SRPK1: variants seen among roughly 807,000 people sequenced by gnomAD.
The protein encoded by SRPK1 is SRSF protein kinase 1.
SRPK1 carries 52 observed loss-of-function variants against 89.5 expected under a neutral mutation model. The ratio of observed to expected loss-of-function variants is 0.58; its 90% CI spans 0.46 to 0.73. The LOEUF (loss-of-function observed/expected upper bound fraction) is 0.73, where lower values mean the gene tolerates loss of function less well. Among genes scored for constraint, SRPK1 ranks in the 30% least tolerant of loss-of-function variants. The pLI is 0.00. For missense variants in SRPK1, 603 were observed against 780.6 expected, an observed-to-expected ratio of 0.77 and a Z score of 2.71; for synonymous variants, 255 against 270.2, an observed-to-expected ratio of 0.94 and a Z score of 0.55.
intron 13 of SRPK1, among the ~76,000 whole-genome samples, chr6:35,856,685 G>C (rs1282718249): frequency 6.6e-6 from 1 of 152,120 alleles, no homozygotes; most frequent in Non-Finnish European, 1.5e-5. Flanking sequence ...GGTGATTAAA[G>C]ATATTAAGGA....
chr6:35,877,326 A>G (rs1365709931), intron 6 of SRPK1, among the ~76,000 whole-genome samples: 1 of 152,230 alleles, frequency 6.6e-6, no homozygotes, highest in African/African-American at 2.4e-5. Flanking sequence ...AACAAGGCTC[A>G]AGAAGATTTA....
At chr6:35,920,988 C>A in intron 1 of SRPK1, 56 bp downstream of exon 1, 2 of 1,520,462 alleles carry the variant, frequency 1.3e-6, no homozygotes, top group East Asian at 2.7e-5. Context: ...GGCGCTGACC[C>A]GGGCCTCGCC....
intron 2 of SRPK1, among the ~76,000 whole-genome samples, chr6:35,907,237 CTT>C (rs1195006335): frequency 6.6e-6 from 1 of 151,928 alleles, no homozygotes; most frequent in Non-Finnish European, 1.5e-5. Flanking sequence ...AATGGAAAGA[CTT>C]TGTGGATCCT....
At chr6:35,884,722 C>T (rs1275630396) in intron 6 of SRPK1, among the ~76,000 whole-genome samples, 13 of 152,078 alleles carry the variant, frequency 8.5e-5, no homozygotes, top group Admixed American at 6.6e-5. Context: ...TCTTGGGGGC[C>T]GGGCACGGTG....
At chr6:35,850,903 C>G (rs1769540408) in intron 13 of SRPK1, among the ~76,000 whole-genome samples, 1 of 152,062 alleles carries the variant, frequency 6.6e-6, no homozygotes, top group Admixed American at 6.6e-5. Flanking sequence ...AAAGCACATC[C>G]AAAGGTCCAA....
chr6:35,851,297 C>T (rs1188952303), intron 13 of SRPK1, among the ~76,000 whole-genome samples: 2 of 151,840 alleles, frequency 1.3e-5, no homozygotes, highest in Non-Finnish European at 2.9e-5. Context: ...GCCTCAGCCT[C>T]CTGAGTAGCT....
Position 35,872,632 on chromosome 6 carries a change from T to G in SRPK1, c.682A>C (p.Ile228Leu). The G allele has an allele frequency of 6.2e-7, 1 of 1,612,562 alleles. No homozygotes were observed. The highest frequency in any genetic ancestry group is 2.2e-5 in the East Asian group (1 of 44,832). ...GTTGCTTCTGCAGCCAGCCTCCGAA[T>G]GTACTGCTCATTCACTGACAATAAG... The part of the protein sequence containing the change: ...NILLSVNEQY[I>L]RRLAAEATEW... The change falls in exon 8 of 16, where the codon ATT (isoleucine) becomes CTT (leucine). Residue 228 changes from isoleucine (I) to leucine (L), a missense_variant. By Grantham distance (5) the Ile-to-Leu change is conservative. Transcript: ENST00000373825.
chr6:35,864,213 G>A lies in SRPK1; in HGVS notation c.1512+4797C>T, dbSNP rs113236768. ...AAATGGGATCACATGAAGTTAAACAGCTTCTGCACAGCAAAGAAAACAATC... is the reference window on the plus strand; with the variant it reads ...AAATGGGATCACATGAAGTTAAACAACTTCTGCACAGCAAAGAAAACAATC... On this transcript the variant is annotated intron_variant, in intron 12 of 15. Coordinates refer to ENST00000373825, the MANE Select transcript of SRPK1 (RefSeq NM_003137.5). Among the ~76,000 whole-genome samples, 1,218 of 152,206 alleles carry A rather than the reference G, an allele frequency of 8.0e-3. 12 individuals are homozygous for A. Among genetic ancestry groups the A allele is most frequent in the Non-Finnish European group, 0.013 (879 of 68,002 alleles).
At chr6:35,869,277 A>G (rs2127244614) in intron 11 of SRPK1, 167 bp from the exon 12 acceptor site, 2 of 876,750 alleles carry the variant, frequency 2.3e-6, no homozygotes, top group Non-Finnish European at 3.5e-6. Flanking sequence ...TCCAGAATTA[A>G]AAACCTCTGC....
chr6:35,841,856 A>G (rs1378240385), intron 14 of SRPK1, among the ~76,000 whole-genome samples: 1 of 149,082 alleles, frequency 6.7e-6, no homozygotes, highest in Non-Finnish European at 1.5e-5. Flanking sequence ...AAAAAAAAAA[A>G]TCACAAAACC....
rs185677749 is a variant in SRPK1, at chr6:35,874,721, G to T, written c.479-382C>A. 3.9e-3 allele frequency among the ~76,000 whole-genome samples: 594 copies of T among 152,236 alleles called. 2 individuals carry two copies. The highest frequency in any genetic ancestry group is 6.9e-3 in the Non-Finnish European group (470 of 68,012). ...CCTAATATCAAAATTGGTGTCCAGG[G>T]TAAAAATTCCCACTCTCACAGCTTC... On this transcript the variant is annotated intron_variant, in intron 6 of 15. Coordinates refer to ENST00000373825, the MANE Select transcript of SRPK1 (RefSeq NM_003137.5).
Position 35,872,828 on chromosome 6 carries a change from A to G in SRPK1, c.586-100T>C, listed in dbSNP as rs535605660. 55 of 1,108,432 alleles carry G rather than the reference A, an allele frequency of 5.0e-5. No individual in the cohort carries two copies. The African/African-American group carries it at 7.7e-4, about 15-fold the overall frequency. 68.7% of individuals were successfully genotyped at this position (1,108,432 alleles called of 1,614,324 possible). A position where few individuals can be genotyped will look rare whatever the true frequency, so the allele number is the denominator to read the frequency against. The stretch of plus-strand genomic sequence containing the variant: ...ACATTAAAAAAAAAAAAAAGATATG[A>G]TAGCGTTTTCTATAGAGAATAAAAG... On this transcript the variant is annotated intron_variant, in intron 7 of 15. Coordinates refer to ENST00000373825, the MANE Select transcript of SRPK1 (RefSeq NM_003137.5).
intron 10 of SRPK1, 94 bp downstream of exon 10, chr6:35,870,187 T>C (rs2127245502): frequency 9.6e-7 from 1 of 1,043,232 alleles, no homozygotes; most frequent in Non-Finnish European, 1.4e-6. Context: ...CCCCCAGAGA[T>C]GTGTTGTATG....
chr6:35,881,333 T>C (rs1205405198), intron 6 of SRPK1, among the ~76,000 whole-genome samples: 3 of 152,180 alleles, frequency 2.0e-5, no homozygotes, highest in African/African-American at 7.2e-5. Context: ...ATAACTCCTC[T>C]TTTTGTTTTC....
At chr6:35,837,023 G>A (rs902779328) in intron 15 of SRPK1, among the ~76,000 whole-genome samples, 2 of 152,054 alleles carry the variant, frequency 1.3e-5, no homozygotes, top group African/African-American at 2.4e-5. Flanking sequence ...GAAGTTGTGA[G>A]GAAAAAGGGA....
At chr6:35,836,051 A>C (rs1769170797) in intron 15 of SRPK1, among the ~76,000 whole-genome samples, 1 of 152,098 alleles carries the variant, frequency 6.6e-6, no homozygotes, top group Admixed American at 6.6e-5. Flanking sequence ...CTCTATACCA[A>C]TACCCCCTAT....
chr6:35,842,353 A>G (rs1201400501), intron 14 of SRPK1, among the ~76,000 whole-genome samples, 182 bp downstream of exon 14: 2 of 152,350 alleles, frequency 1.3e-5, no homozygotes, highest in Admixed American at 6.5e-5. Context: ...AGAGCTCTTT[A>G]GTATCTTTCA....
intron 12 of SRPK1, among the ~76,000 whole-genome samples, chr6:35,866,541 G>A (rs566195035): frequency 2.5e-4 from 38 of 151,990 alleles, no homozygotes; most frequent in Non-Finnish European, 4.7e-4. Context: ...AGCAGAGATC[G>A]CACCACTGCA....
chr6:35,838,781 TAATGTGCAC>T (rs1223074859), intron 14 of SRPK1: 3 of 1,381,302 alleles, frequency 2.2e-6, no homozygotes. Flanking sequence ...ATCAGCTCTA[TAATGTGCAC>T]AATGTGGTCT....
Sources: gnomAD v4.1 joint callset for allele counts (sites outside exome capture counted in the v4.1 genomes callset) on GRCh38, gnomAD v4.1.1 for gene constraint, MANE v1.5 for transcripts, NCBI Gene and HGNC (gene_info 2026-07-23, HGNC 2026-07-21) for gene names.